The following IQSEC3 variants were observed in gnomAD, a reference collection of about 807,000 sequenced individuals.
IQSEC3 encodes IQ motif and Sec7 domain ArfGEF 3.
IQSEC3 carries 50 observed loss-of-function variants against 105.4 expected under a neutral mutation model. That is an observed-to-expected ratio of 0.47 (90% CI 0.38 to 0.60). The LOEUF (loss-of-function observed/expected upper bound fraction) is 0.60, where lower values mean the gene tolerates loss of function less well. Among genes scored for constraint, IQSEC3 ranks in the 20% least tolerant of loss-of-function variants. The pLI, the probability that IQSEC3 is intolerant of heterozygous loss-of-function variation, is 0.00. For missense variants in IQSEC3, 1,415 were observed against 1,630.0 expected (o/e 0.87, Z 2.27); for synonymous variants, 708 against 746.0 (o/e 0.95, Z 0.83).
rs577051173 is a variant in IQSEC3 at position 154,060 on chromosome 12, G to C, written c.2154-2965G>C. ...GATGAGAGGCCCTTCCAGCTCCACA[G>C]CCCAAGTGTCCACCCCTGCAGCCCT... On this transcript the variant is annotated intron_variant, in intron 5 of 13. Coordinates refer to ENST00000538872, the MANE Select transcript of IQSEC3 (RefSeq NM_001170738.2). Among the ~76,000 whole-genome samples, 42 of 152,276 alleles carry C rather than the reference G, an allele frequency of 2.8e-4. 1 individual carries two copies. In the South Asian group the frequency reaches 8.3e-3, roughly 30 times the overall value.
chr12:85,707 C>A (rs1245969773), intron 1 of IQSEC3, among the ~76,000 whole-genome samples: 1 of 152,136 alleles, frequency 6.6e-6, no homozygotes, highest in Non-Finnish European at 1.5e-5. Context: ...GAGTTAAGCT[C>A]CCCCAAGACT....
chr12:90,124 A>G (rs546832380), intron 1 of IQSEC3, among the ~76,000 whole-genome samples: 93 of 152,306 alleles, frequency 6.1e-4, no homozygotes, highest in African/African-American at 2.2e-3. Flanking sequence ...TGGGTGTGTA[A>G]TAGTATCTGC....
intron 13 of IQSEC3, 158 bp downstream of exon 13, chr12:171,319 T>C: frequency 6.2e-7 from 1 of 1,613,584 alleles, no homozygotes; most frequent in Non-Finnish European, 8.5e-7. Context: ...AAGTTACTGC[T>C]AGCATGGGTA....
At chr12:136,944 G>A (rs1225073224) in intron 3 of IQSEC3, among the ~76,000 whole-genome samples, 2 of 152,118 alleles carry the variant, frequency 1.3e-5, no homozygotes, top group African/African-American at 2.4e-5. Context: ...GAAAACCCAC[G>A]GACAGGAGGA....
intron 5 of IQSEC3, among the ~76,000 whole-genome samples, chr12:156,206 C>A (rs1246493554): frequency 6.6e-6 from 1 of 152,180 alleles, no homozygotes; most frequent in Non-Finnish European, 1.5e-5. Context: ...CACAGGCAAA[C>A]CCCCCAGGGT....
intron 11 of IQSEC3, chr12:167,060 G>A (rs903764572): frequency 6.6e-6 from 1 of 152,212 alleles, no homozygotes. Flanking sequence ...CATCGGACTG[G>A]ACTCTGGAAC....
intron 1 of IQSEC3, among the ~76,000 whole-genome samples, chr12:94,602 T>C (rs1347427438): frequency 2.0e-5 from 3 of 152,220 alleles, no homozygotes; most frequent in Non-Finnish European, 4.4e-5. Context: ...CCAACAGCAC[T>C]GCCGGCCCAA....
chr12:160,250 T>C (rs12369802), intron 7 of IQSEC3, among the ~76,000 whole-genome samples: 6,308 of 152,216 alleles, frequency 0.041, 184 homozygotes, highest in Middle Eastern at 0.061. Flanking sequence ...AATCTGGTTG[T>C]TCATTCATAT....
At position 125,711 on chromosome 12, in the gene IQSEC3, C is replaced by T; in HGVS notation, c.702C>T (p.Pro234=). ...VAAAAVAAGR[P]SAHAPKAQAQ... is the part of the protein sequence containing the mutation. Reference sequence around the variant, plus strand: ...CGGCGGCGGTGGCAGCCGGCAGACCCAGTGCCCATGCCCCGAAGGCTCAAG... The same window carrying T: ...CGGCGGCGGTGGCAGCCGGCAGACCTAGTGCCCATGCCCCGAAGGCTCAAG... Residue 234 remains proline, a synonymous_variant, in exon 3 of 14, where the codon CCC becomes CCT. Transcript: ENST00000538872. 4 of 1,537,238 alleles carry T rather than the reference C, an allele frequency of 2.6e-6. No homozygotes were observed. The highest frequency in any genetic ancestry group is 3.5e-6 in the Non-Finnish European group (4 of 1,152,466).
intron 1 of IQSEC3, among the ~76,000 whole-genome samples, chr12:84,994 G>A (rs1863871687): frequency 6.6e-6 from 1 of 152,148 alleles, no homozygotes; most frequent in Non-Finnish European, 1.5e-5. Context: ...TGGGTCCTCG[G>A]GAGGTCGTCA....
Position 152,297 on chromosome 12 carries a change from CA to C in IQSEC3, c.2154-4726del, listed in dbSNP as rs1206563662. 2.0e-5 allele frequency among the ~76,000 whole-genome samples: 3 copies of C among 152,220 alleles called. No homozygotes were observed. The highest frequency in any genetic ancestry group is 4.4e-5 in the Non-Finnish European group (3 of 68,038). On this transcript the variant is annotated intron_variant, in intron 5 of 13. Transcript: ENST00000538872. The surrounding 1 kb of genome is among the most constrained non-coding windows in gnomAD (Gnocchi z 4.8). ...CCGTGCTGACTGCCCACGCATGCAC[CA>C]AGAGGCTCTCCTGTGTAACTGTGTC...
At chr12:159,273 T>G (rs1294704321) in intron 7 of IQSEC3, among the ~76,000 whole-genome samples, 2 of 152,152 alleles carry the variant, frequency 1.3e-5, no homozygotes, top group Non-Finnish European at 2.9e-5. Context: ...TGGGAGGTGG[T>G]GCGGGAGAGT....
At chr12:91,812 G>A (rs76981648) in intron 1 of IQSEC3, among the ~76,000 whole-genome samples, 4,221 of 152,092 alleles carry the variant, frequency 0.028, 190 homozygotes, top group African/African-American at 0.095. Context: ...GAAAGAAGCA[G>A]GGTTCTTTCC....
At chr12:108,831 A>T (rs1864772510) in intron 2 of IQSEC3, among the ~76,000 whole-genome samples, 1 of 152,242 alleles carries the variant, frequency 6.6e-6, no homozygotes, top group Non-Finnish European at 1.5e-5. Context: ...CAGCAAAGGC[A>T]TCCCTGGCTC....
chr12:66,792 C>T lies in IQSEC3; in HGVS notation c.-91C>T. The T allele has an allele frequency of 1.4e-5, 17 of 1,197,118 alleles. No homozygotes were observed. Among genetic ancestry groups the T allele is most frequent in the Non-Finnish European group, 1.8e-5 (17 of 944,760 alleles). 74.2% of individuals were successfully genotyped at this position (1,197,118 alleles called of 1,614,324 possible). On this transcript the variant is annotated 5_prime_UTR_variant, in exon 1 of 14. Transcript: ENST00000538872. ...AGGCTGGGCCGGTGGGAGAGGGAGG[C>T]GAGCCGACCGCTGGGCTGCTGGGCT...
intron 3 of IQSEC3, among the ~76,000 whole-genome samples, chr12:126,260 A>G (rs1313822879): frequency 6.6e-6 from 1 of 152,226 alleles, no homozygotes; most frequent in African/African-American, 2.4e-5. Context: ...TGCTGCTTAG[A>G]GGCCATAGTC....
chr12:141,024 C>A, intron 4 of IQSEC3, 100 bp from the exon 5 acceptor site: 1 of 1,262,984 alleles, frequency 7.9e-7, no homozygotes, highest in Non-Finnish European at 1.1e-6. Flanking sequence ...ACTGGATTTC[C>A]AAGAACCTCT....
intron 1 of IQSEC3, among the ~76,000 whole-genome samples, chr12:71,374 C>G (rs1387606162): frequency 6.6e-6 from 1 of 152,274 alleles, no homozygotes; most frequent in Non-Finnish European, 1.5e-5. Context: ...TGGAAAGAAG[C>G]AAATGGTCCT....
intron 3 of IQSEC3, among the ~76,000 whole-genome samples, chr12:137,805 C>T (rs898681417): frequency 2.0e-5 from 3 of 151,424 alleles, no homozygotes; most frequent in East Asian, 1.9e-4. Flanking sequence ...CAGGCGTGCG[C>T]GCACCAGGAC....
Sources: gnomAD v4.1 joint callset for allele counts (sites outside exome capture counted in the v4.1 genomes callset) on GRCh38, gnomAD v4.1.1 for gene constraint, Gnocchi (gnomAD v3.1) non-coding constraint, MANE v1.5 for transcripts, NCBI Gene and HGNC (gene_info 2026-07-23, HGNC 2026-07-21) for gene names.